KIAA1958: variants seen among roughly 807,000 people sequenced by gnomAD.
KIAA1958 encodes the protein uncharacterized protein KIAA1958.
KIAA1958 carries 14 observed loss-of-function variants against 47.2 expected under a neutral mutation model. That is an observed-to-expected ratio of 0.30 (90% CI 0.20 to 0.46). The LOEUF is 0.46. KIAA1958 is among the 20% of genes least tolerant of loss of function. The pLI is 1.00. For synonymous variants in KIAA1958, 354 were observed against 353.3 expected, an observed-to-expected ratio of 1.00 and a Z score of -0.02; for missense variants, 803 against 909.2, an observed-to-expected ratio of 0.88 and a Z score of 1.50.
Position 112,645,669 on chromosome 9 carries a change from C to T in KIAA1958, c.1191C>T (p.Asn397=). 6.2e-7 allele frequency: 1 copy of T among 1,605,486 alleles called. No individual in the cohort carries two copies. The highest frequency in any genetic ancestry group is 2.2e-5 in the East Asian group (1 of 44,518). ...TTCTAGCTTATTCCACTAAGCTCAA[C>T]AAATTTCCTGTATTTAATATTAATG... The part of the protein sequence containing the change: ...QCIPAYSTKL[N]KFPVFNINDD... The change falls in exon 3 of 4, where the codon AAC becomes AAT. Residue 397 remains asparagine (N), a synonymous_variant. Transcript: ENST00000337530.
At chr9:112,619,254 A>G (rs2131217881) in intron 2 of KIAA1958, 1 of 153,774 alleles carries the variant, frequency 6.5e-6, no homozygotes, top group South Asian at 2.1e-4. Flanking sequence ...GTCATCCTAG[A>G]CTTAACATGC....
At chr9:112,523,794 C>T (rs972331864) in intron 1 of KIAA1958, among the ~76,000 whole-genome samples, 2 of 152,150 alleles carry the variant, frequency 1.3e-5, no homozygotes, top group Non-Finnish European at 2.9e-5. Context: ...ACTGAGGGAA[C>T]ACTTAGGTTT....
intron 1 of KIAA1958, among the ~76,000 whole-genome samples, chr9:112,524,072 C>T (rs1362838621): frequency 6.6e-6 from 1 of 152,208 alleles, no homozygotes; most frequent in African/African-American, 2.4e-5. Context: ...CATTTCCCAT[C>T]TATATCTCCA....
chr9:112,552,926 TG>T (rs951116874), intron 1 of KIAA1958, among the ~76,000 whole-genome samples: 13 of 152,052 alleles, frequency 8.5e-5, no homozygotes, highest in Non-Finnish European at 1.6e-4. Flanking sequence ...CCCTTTATGA[TG>T]GGGAAGAGCG....
rs1837215696 is a variant in KIAA1958, at chr9:112,659,284, GA to G, written c.1367del (p.Glu456GlyfsTer34). On this transcript the variant is annotated frameshift_variant, in exon 4 of 4. Transcript: ENST00000337530. LOFTEE classifies it high-confidence loss of function. Reference sequence around the variant, plus strand: ...TGAGATCCCTGCAGTGAAGTTGAACGAGCTGCTCGAGAACTTTTATGTCACC... The same window carrying G: ...TGAGATCCCTGCAGTGAAGTTGAACGGCTGCTCGAGAACTTTTATGTCACC... ...ITKIPAVKLN[E>X]LLENFYVTVK... is the part of the protein sequence containing the mutation. 9 of 1,612,884 alleles carry G rather than the reference GA, an allele frequency of 5.6e-6. No homozygotes were observed. The highest frequency in any genetic ancestry group is 7.6e-6 in the Non-Finnish European group (9 of 1,179,402).
chr9:112,633,984 T>A (rs1836755842), intron 2 of KIAA1958, among the ~76,000 whole-genome samples: 1 of 152,116 alleles, frequency 6.6e-6, no homozygotes, highest in Non-Finnish European at 1.5e-5. Context: ...GTTGGGTATA[T>A]ATTTAGGTGT....
rs550732026 is a variant in KIAA1958, at chr9:112,507,347, T to C, written c.-25+20229T>C. On this transcript the variant is annotated intron_variant, in intron 1 of 3. Transcript: ENST00000337530. ...CTGACTGAGTATTTTAGGTTTTGTTTTTTGTTTTTGTTTCTTTTTAAGAGA... is the reference window on the plus strand; with the variant it reads ...CTGACTGAGTATTTTAGGTTTTGTTCTTTGTTTTTGTTTCTTTTTAAGAGA... Among the ~76,000 whole-genome samples, 4 of 152,250 alleles carry C rather than the reference T, an allele frequency of 2.6e-5. No homozygotes were observed. In the East Asian group the frequency reaches 5.8e-4, roughly 22 times the overall value.
At chr9:112,580,589 C>A (rs1345293987) in intron 2 of KIAA1958, among the ~76,000 whole-genome samples, 1 of 152,130 alleles carries the variant, frequency 6.6e-6, no homozygotes, top group African/African-American at 2.4e-5. Flanking sequence ...GAGTTCAAGA[C>A]CAGCCTGGCC....
At chr9:112,576,394 G>A (rs1383988285) in intron 2 of KIAA1958, among the ~76,000 whole-genome samples, 2 of 152,066 alleles carry the variant, frequency 1.3e-5, no homozygotes, top group Non-Finnish European at 2.9e-5. Flanking sequence ...CTCTTTTAAA[G>A]TGTACAGTTC....
intron 1 of KIAA1958, among the ~76,000 whole-genome samples, chr9:112,542,008 A>G (rs1450527543): frequency 6.6e-6 from 1 of 152,194 alleles, no homozygotes; most frequent in Non-Finnish European, 1.5e-5. Context: ...GCACTGCTTT[A>G]AGGAACGTTC....
At chr9:112,518,500 C>T (rs1834478757) in intron 1 of KIAA1958, among the ~76,000 whole-genome samples, 2 of 152,056 alleles carry the variant, frequency 1.3e-5, no homozygotes, top group South Asian at 4.1e-4. Flanking sequence ...ATTTGAAATT[C>T]TAGAAAATGC....
At chr9:112,635,214 T>TTTTG (rs1403616590) in intron 2 of KIAA1958, among the ~76,000 whole-genome samples, 1 of 130,436 alleles carries the variant, frequency 7.7e-6, no homozygotes, top group East Asian at 2.3e-4. Flanking sequence ...ATTCTTTATT[T>TTTTG]TGTGTGTGTG....
At chr9:112,551,301 C>G (rs577811394) in intron 1 of KIAA1958, among the ~76,000 whole-genome samples, 2 of 152,158 alleles carry the variant, frequency 1.3e-5, no homozygotes, top group Admixed American at 6.5e-5. Flanking sequence ...CAGGTAACCA[C>G]TGTTGTACTT....
At chr9:112,492,123 ATTT>A (rs1215444310) in intron 1 of KIAA1958, among the ~76,000 whole-genome samples, 1 of 152,196 alleles carries the variant, frequency 6.6e-6, no homozygotes, top group African/African-American at 2.4e-5. Context: ...GCTTGTATTA[ATTT>A]GTTAGGGCTG....
chr9:112,626,272 ATATT>A (rs960580028), intron 2 of KIAA1958, among the ~76,000 whole-genome samples: 1 of 152,190 alleles, frequency 6.6e-6, no homozygotes, highest in Non-Finnish European at 1.5e-5. Flanking sequence ...TCAAGCATAA[ATATT>A]TAAACGTTTC....
chr9:112,592,274 C>G (rs1171217219), intron 2 of KIAA1958, among the ~76,000 whole-genome samples: 1 of 152,180 alleles, frequency 6.6e-6, no homozygotes, highest in Non-Finnish European at 1.5e-5. Flanking sequence ...TCATATCTAA[C>G]AGGGAGATTG....
Position 112,665,893 on chromosome 9 carries a change from A to G in KIAA1958, c.*5824A>G, listed in dbSNP as rs1287990722. ...AGTAAAGGAGTTCCTAACTTACGCA[A>G]CAATTACATGCTCAGGTTTTTTACT... On this transcript the variant is annotated 3_prime_UTR_variant, in exon 4 of 4. Transcript: ENST00000337530. The G allele has an allele frequency of 6.6e-6, 1 of 152,228 alleles. No homozygotes were observed. The highest frequency in any genetic ancestry group is 2.4e-5 in the African/African-American group (1 of 41,460). 9.4% of individuals were successfully genotyped at this position (152,228 alleles called of 1,614,324 possible).
intron 1 of KIAA1958, among the ~76,000 whole-genome samples, chr9:112,537,756 C>A (rs944912633): frequency 6.6e-6 from 1 of 152,144 alleles, no homozygotes; most frequent in Non-Finnish European, 1.5e-5. Flanking sequence ...AGTTATCTAT[C>A]GCTGTATCCA....
chr9:112,522,676 T>C (rs1359967146), intron 1 of KIAA1958, among the ~76,000 whole-genome samples: 1 of 152,184 alleles, frequency 6.6e-6, no homozygotes, highest in African/African-American at 2.4e-5. Flanking sequence ...TACCTTACTT[T>C]CACTTACCAT....
Sources: gnomAD v4.1 joint callset for allele counts (sites outside exome capture counted in the v4.1 genomes callset) on GRCh38, gnomAD v4.1.1 for gene constraint, MANE v1.5 for transcripts, NCBI Gene and HGNC (gene_info 2026-07-23, HGNC 2026-07-21) for gene names.